Variants in UNC79 observed in about 807,000 individuals in gnomAD.
The protein encoded by UNC79 is unc-79 subunit of NALCN channel complex, also known as protein unc-79 homolog.
In UNC79, 37 loss-of-function variants were observed where a neutral mutation model predicts 283.1. That is an observed-to-expected ratio of 0.13 (90% CI 0.10 to 0.17). The LOEUF (loss-of-function observed/expected upper bound fraction) is 0.17. Ranked by LOEUF, UNC79 falls within the 10% of genes least tolerant of loss-of-function variation. UNC79 has a pLI of 1.00. For synonymous variants in UNC79, 1,107 were observed against 1,200.2 expected (o/e 0.92, Z 1.61); for missense variants, 2,272 against 3,211.1 (o/e 0.71, Z 7.07).
At chr14:93,438,887 G>A (rs2056193590) in intron 1 of UNC79, among the ~76,000 whole-genome samples, 1 of 151,814 alleles carries the variant, frequency 6.6e-6, no homozygotes, top group Admixed American at 6.6e-5. Context: ...GTTCAAGTCT[G>A]TGCCTTTCTT....
At chr14:93,488,815 T>A (rs12101149) in intron 5 of UNC79, among the ~76,000 whole-genome samples, 79,203 of 151,576 alleles carry the variant, frequency 0.52, 21,113 homozygotes, top group Admixed American at 0.63. Flanking sequence ...GGAAAGGGAA[T>A]TCTCAGGGTC....
At chr14:93,611,624 G>A (rs1465150813) in intron 26 of UNC79, among the ~76,000 whole-genome samples, 2 of 152,144 alleles carry the variant, frequency 1.3e-5, no homozygotes, top group Admixed American at 1.3e-4. Context: ...TAACTGAGGA[G>A]TTAATAGGTA....
chr14:93,588,507 G>A (rs1047425497), intron 22 of UNC79, among the ~76,000 whole-genome samples: 10 of 152,094 alleles, frequency 6.6e-5, no homozygotes, highest in East Asian at 1.9e-4. Context: ...TTGGGAGGCC[G>A]AGGCCGGCGG....
chr14:93,347,322 C>A, intron 1 of UNC79: 1 of 1,603,648 alleles, frequency 6.2e-7, no homozygotes, highest in Non-Finnish European at 8.5e-7. Flanking sequence ...GCCGCTTGGC[C>A]CTGCTCGGCC....
chr14:93,337,701 G>T (rs968647697), intron 1 of UNC79, among the ~76,000 whole-genome samples: 3 of 152,164 alleles, frequency 2.0e-5, no homozygotes, highest in African/African-American at 7.2e-5. Flanking sequence ...ACACCCCTCT[G>T]CTTGCCATGC....
intron 47 of UNC79, among the ~76,000 whole-genome samples, chr14:93,701,260 A>G (rs774363572): frequency 6.6e-6 from 1 of 152,134 alleles, no homozygotes; most frequent in African/African-American, 2.4e-5. Flanking sequence ...CCTGAAAAAC[A>G]TTGTTTTTTA....
chr14:93,348,027 G>A, intron 1 of UNC79: 1 of 1,601,848 alleles, frequency 6.2e-7, no homozygotes, highest in Non-Finnish European at 8.6e-7. Context: ...TTCTCTTCCA[G>A]GAAATGGCTG....
Position 93,586,925 on chromosome 14 carries a change from GTTTGTT to G in UNC79, c.3032+20_3032+25del, listed in dbSNP as rs918675764. On this transcript the variant is annotated intron_variant, in intron 22 of 48. Transcript: ENST00000555664. ...GATTGCAAGGTACGTCTTCCTAATG[GTTTGTT>G]TTGATTGTTTATACATTAGGCTTTA... 1 of 1,611,092 alleles carries G rather than the reference GTTTGTT, an allele frequency of 6.2e-7. No individual in the cohort carries two copies. Among genetic ancestry groups the G allele is most frequent in the Non-Finnish European group, 8.5e-7 (1 of 1,179,222 alleles).
At chr14:93,581,961 ATCT>A (rs763758106) in intron 19 of UNC79, among the ~76,000 whole-genome samples, 1 of 152,128 alleles carries the variant, frequency 6.6e-6, no homozygotes, top group Non-Finnish European at 1.5e-5. Flanking sequence ...GATGTTTTTG[ATCT>A]TCTTCTATAT....
In UNC79 at chr14:93,706,684, CT is replaced by C. The variant is rs1566954190; in HGVS notation, c.7591-19del. ...CCCGTGAAAAGAAATAAACTAAAACCTCTTGCCCTTTTTCGACAGCACTTAT... is the reference window on the plus strand; with the variant it reads ...CCCGTGAAAAGAAATAAACTAAAACCCTTGCCCTTTTTCGACAGCACTTAT... On this transcript the variant is annotated intron_variant, in intron 48 of 48. Coordinates refer to ENST00000555664, the Ensembl canonical transcript of UNC79. The C allele has an allele frequency of 1.2e-6, 2 of 1,613,868 alleles. No homozygotes were observed. The highest frequency in any genetic ancestry group is 1.7e-6 in the Non-Finnish European group (2 of 1,179,802).
At chr14:93,379,373 G>A (rs949352848) in intron 1 of UNC79, among the ~76,000 whole-genome samples, 1 of 152,036 alleles carries the variant, frequency 6.6e-6, no homozygotes, top group African/African-American at 2.4e-5. Flanking sequence ...AGCAGGATTT[G>A]GTAAATATGA....
intron 22 of UNC79, among the ~76,000 whole-genome samples, chr14:93,588,647 A>G (rs998917801): frequency 7.4e-5 from 11 of 148,804 alleles, no homozygotes; most frequent in African/African-American, 2.7e-4. Flanking sequence ...AGGCTGAAGC[A>G]GGAGAATGAC....
chr14:93,459,259 C>A (rs1002032077), intron 1 of UNC79, among the ~76,000 whole-genome samples: 1 of 152,214 alleles, frequency 6.6e-6, no homozygotes, highest in South Asian at 2.1e-4. Flanking sequence ...CAGGCATGAG[C>A]CACTGCATCC....
At chr14:93,456,899 A>G (rs1489788255) in intron 1 of UNC79, among the ~76,000 whole-genome samples, 1 of 152,178 alleles carries the variant, frequency 6.6e-6, no homozygotes, top group Non-Finnish European at 1.5e-5. Flanking sequence ...ATCCTTGAAG[A>G]TATGATCCCA....
At chr14:93,339,274 T>C (rs2053648015) in intron 1 of UNC79, among the ~76,000 whole-genome samples, 1 of 152,018 alleles carries the variant, frequency 6.6e-6, no homozygotes, top group East Asian at 1.9e-4. Context: ...CAGGACTTGA[T>C]CAGCTCTAGA....
chr14:93,340,077 T>C (rs79164634), intron 1 of UNC79, among the ~76,000 whole-genome samples: 11,201 of 152,262 alleles, frequency 0.074, 873 homozygotes, highest in African/African-American at 0.19. Context: ...CCTTGTGCTG[T>C]TCATGACAGC....
intron 1 of UNC79, among the ~76,000 whole-genome samples, chr14:93,455,277 G>C (rs2056764180): frequency 6.6e-6 from 1 of 152,148 alleles, no homozygotes; most frequent in Non-Finnish European, 1.5e-5. Flanking sequence ...ATCGTTCTTT[G>C]ATTAAGGATT....
chr14:93,636,583 A>G (rs2068524893), intron 31 of UNC79, among the ~76,000 whole-genome samples: 2 of 152,184 alleles, frequency 1.3e-5, no homozygotes, highest in Admixed American at 6.5e-5. Context: ...AGTTCACGTC[A>G]GCACACACCA....
intron 28 of UNC79, 35 bp from the exon 30 acceptor site, chr14:93,618,157 C>T (rs373721694): frequency 1.7e-5 from 27 of 1,585,248 alleles, no homozygotes; most frequent in Non-Finnish European, 2.2e-5. Flanking sequence ...TCTAAAATAA[C>T]CATTTATCTT....
Sources: allele counts gnomAD v4.1 joint callset (sites outside exome capture counted in the v4.1 genomes callset), GRCh38; gene constraint gnomAD v4.1.1; transcripts MANE v1.5; gene names NCBI Gene and HGNC (gene_info 2026-07-23, HGNC 2026-07-21).